The following NAXD variants were observed in gnomAD, a reference collection of about 807,000 sequenced individuals.
NAXD encodes the protein ATP-dependent (S)-NAD(P)H-hydrate dehydratase.
Under a neutral mutation model 35.8 loss-of-function variants are expected in NAXD, and 22 were observed. The observed-to-expected ratio is 0.62, with a 90% CI of 0.44 to 0.88. The LOEUF is 0.88. Ranked by LOEUF, NAXD falls within the 40% of genes least tolerant of loss-of-function variation. The pLI is 0.00. For missense variants in NAXD, 428 were observed against 437.7 expected, an observed-to-expected ratio of 0.98 and a Z score of 0.20; for synonymous variants, 189 against 177.6, an observed-to-expected ratio of 1.06 and a Z score of -0.51.
At chr13:110,615,775 G>A in intron 1 of NAXD, 128 bp downstream of exon 1, 1 of 1,381,012 alleles carries the variant, frequency 7.2e-7, no homozygotes, top group Non-Finnish European at 9.4e-7. Flanking sequence ...CTGGACGCAG[G>A]TACCCGACCG....
At chr13:110,615,778 C>G in intron 1 of NAXD, 131 bp downstream of exon 1, 1 of 1,374,246 alleles carries the variant, frequency 7.3e-7, no homozygotes, top group Non-Finnish European at 9.4e-7. Flanking sequence ...GACGCAGGTA[C>G]CCGACCGCTG....
intron 8 of NAXD, among the ~76,000 whole-genome samples, chr13:110,636,579 C>T (rs1049321617): frequency 2.6e-5 from 4 of 152,236 alleles, no homozygotes; most frequent in African/African-American, 9.7e-5. Context: ...CTGGAAGGCT[C>T]TCTTGGGTCT....
In NAXD at chr13:110,628,395, C is replaced by T. The variant is rs144139383; in HGVS notation, c.441+848C>T. 5.9e-5 allele frequency among the ~76,000 whole-genome samples: 9 copies of T among 152,302 alleles called. No individual in the cohort carries two copies. In the East Asian group the frequency reaches 1.7e-3, roughly 29 times the overall value. On this transcript the variant is annotated intron_variant, in intron 5 of 9. Transcript: ENST00000680254. The surrounding 1 kb of genome is among the most constrained non-coding windows in gnomAD (Gnocchi z 4.1). ...GACTGCATGGGGATCAGAGGCCGGGCATTAGTGAGGGACTACGCTTGAAGC... is the reference window on the plus strand; with the variant it reads ...GACTGCATGGGGATCAGAGGCCGGGTATTAGTGAGGGACTACGCTTGAAGC...
At chr13:110,624,656 T>G (rs900801770) in intron 3 of NAXD, among the ~76,000 whole-genome samples, 1 of 152,204 alleles carries the variant, frequency 6.6e-6, no homozygotes, top group East Asian at 1.9e-4. Context: ...GAGTCAGGTT[T>G]TCTCTCTGTT....
chr13:110,621,414 G>T (rs961702410), intron 1 of NAXD, among the ~76,000 whole-genome samples: 1 of 152,214 alleles, frequency 6.6e-6, no homozygotes, highest in African/African-American at 2.4e-5. Flanking sequence ...AGCATATGTT[G>T]TCCTGGTGGG....
chr13:110,625,302 T>C lies in NAXD; in HGVS notation c.332+24T>C, dbSNP rs200337566. On this transcript the variant is annotated intron_variant, in intron 4 of 9. Coordinates refer to ENST00000680254, the MANE Select transcript of NAXD (RefSeq NM_001242882.2). ...CTGTGAGTCGCTCTGCGCCGGCTTC[T>C]CGTAGGTTCTCTTTCCCTCCTGCAT... 452 of 1,522,714 alleles carry C rather than the reference T, an allele frequency of 3.0e-4. 4 individuals are homozygous for C. In the East Asian group the frequency reaches 8.9e-3, roughly 30 times the overall value. 94.3% of individuals were successfully genotyped at this position (1,522,714 alleles called of 1,614,324 possible). A position where few individuals can be genotyped will look rare whatever the true frequency, so the allele number is the denominator to read the frequency against.
chr13:110,624,466 AT>A (rs962465233), intron 3 of NAXD, among the ~76,000 whole-genome samples, 187 bp downstream of exon 3: 3 of 151,448 alleles, frequency 2.0e-5, no homozygotes, highest in Non-Finnish European at 4.4e-5. Flanking sequence ...GTTGAAGCTC[AT>A]TTTTTTTTGA....
intron 5 of NAXD, among the ~76,000 whole-genome samples, chr13:110,632,000 G>GT (rs1886710738): frequency 6.6e-6 from 1 of 152,218 alleles, no homozygotes; most frequent in Non-Finnish European, 1.5e-5. Context: ...TTCTTAGCAT[G>GT]TATTTTTATG....
chr13:110,624,272 T>G lies in NAXD; in HGVS notation c.236T>G (p.Leu79Arg). The change falls in exon 3 of 10, where the codon CTC becomes CGC. Residue 79 changes from leucine (L) to arginine (R), a missense_variant. Transcript: ENST00000680254. ...GAPYFAAISA[L>R]KVGADLSHVF... The stretch of plus-strand genomic sequence containing the variant: ...CCATATTTTGCAGCAATCTCAGCTC[T>G]CAAAGTGGTATGTTTACTTAAAATT... 1 of 1,602,960 alleles carries G rather than the reference T, an allele frequency of 6.2e-7. No individual in the cohort carries two copies. The highest frequency in any genetic ancestry group is 8.5e-7 in the Non-Finnish European group (1 of 1,170,630).
intron 2 of NAXD, among the ~76,000 whole-genome samples, chr13:110,624,002 CAAA>C (rs58510281): frequency 2.5e-4 from 26 of 103,208 alleles, no homozygotes; most frequent in African/African-American, 4.7e-4. Context: ...AACTCTGTCT[CAAA>C]AAAAAAAAAA....
intron 5 of NAXD, among the ~76,000 whole-genome samples, chr13:110,633,852 G>A (rs12430333): frequency 0.14 from 21,655 of 151,994 alleles, 1,815 homozygotes; most frequent in Admixed American, 0.26. Context: ...ATTTTAAAAC[G>A]TGTAAGTAAA....
At chr13:110,618,987 T>G (rs1419724749) in intron 1 of NAXD, among the ~76,000 whole-genome samples, 1 of 152,218 alleles carries the variant, frequency 6.6e-6, no homozygotes, top group Admixed American at 6.5e-5. Flanking sequence ...GGTGCTGCAG[T>G]TGTGACCCCG....
chr13:110,637,331 T>G, intron 9 of NAXD, 82 bp downstream of exon 9: 1 of 1,514,462 alleles, frequency 6.6e-7, no homozygotes, highest in Non-Finnish European at 9.1e-7. Context: ...GTTGAATAAG[T>G]AGCCCTGGAA....
In NAXD at chr13:110,639,963, G is replaced by T. The variant is rs1417994555; in HGVS notation, c.*1435G>T. 2 of 152,184 alleles carry T rather than the reference G, an allele frequency of 1.3e-5. No individual in the cohort carries two copies. The highest frequency in any genetic ancestry group is 4.8e-5 in the African/African-American group (2 of 41,444). 9.4% of individuals were successfully genotyped at this position (152,184 alleles called of 1,614,324 possible). A position where few individuals can be genotyped will look rare whatever the true frequency, so the allele number is the denominator to read the frequency against. On this transcript the variant is annotated 3_prime_UTR_variant, in exon 10 of 10. Transcript: ENST00000680254. ...CTGGGGAATTAACATCTAAATTCTG[G>T]TAACTATTAAAAGACAGATCTGGTT...
chr13:110,633,246 G>A (rs925551203), intron 5 of NAXD, among the ~76,000 whole-genome samples: 1 of 152,168 alleles, frequency 6.6e-6, no homozygotes, highest in Non-Finnish European at 1.5e-5. Flanking sequence ...GCAGGACCCA[G>A]TACACCCTCT....
intron 5 of NAXD, among the ~76,000 whole-genome samples, 196 bp from the exon 6 acceptor site, chr13:110,634,349 G>A (rs1410308948): frequency 1.3e-5 from 2 of 152,176 alleles, no homozygotes; most frequent in Non-Finnish European, 2.9e-5. Flanking sequence ...AGGGCAGAAG[G>A]GCAGGAGAGA....
At chr13:110,630,337 A>G (rs1455039158) in intron 5 of NAXD, among the ~76,000 whole-genome samples, 4 of 152,144 alleles carry the variant, frequency 2.6e-5, no homozygotes, top group Non-Finnish European at 5.9e-5. Context: ...CTCTTTGGGT[A>G]TCTTCTTTGG....
At chr13:110,632,837 CAG>C (rs1439452471) in intron 5 of NAXD, among the ~76,000 whole-genome samples, 1 of 131,386 alleles carries the variant, frequency 7.6e-6, no homozygotes, top group Non-Finnish European at 1.7e-5. Flanking sequence ...GAGCTAAACA[CAG>C]GGTGCTGATT....
rs1230337751 is a variant in NAXD at position 110,622,136 on chromosome 13, G to C, written c.47-80G>C. 3.5e-6 allele frequency: 4 copies of C among 1,142,948 alleles called. No homozygotes were observed. The East Asian group carries it at 7.8e-5, about 22-fold the overall frequency. 70.8% of individuals were successfully genotyped at this position (1,142,948 alleles called of 1,614,324 possible). A position where few individuals can be genotyped will look rare whatever the true frequency, so the allele number is the denominator to read the frequency against. On this transcript the variant is annotated intron_variant, in intron 1 of 9. Coordinates refer to ENST00000680254, the MANE Select transcript of NAXD (RefSeq NM_001242882.2). ...ATAGCATTCGTAATAACTTTGGAGA[G>C]GGTTTTGGTTAATGGGCTATTATGT...
Sources: gnomAD v4.1 joint callset for allele counts (sites outside exome capture counted in the v4.1 genomes callset) on GRCh38, gnomAD v4.1.1 for gene constraint, Gnocchi (gnomAD v3.1) non-coding constraint, MANE v1.5 for transcripts, NCBI Gene and HGNC (gene_info 2026-07-23, HGNC 2026-07-21) for gene names.